Variants in PCDH15 observed in about 807,000 individuals in gnomAD.
PCDH15 encodes the protein protocadherin-15.
PCDH15 carries 129 observed loss-of-function variants against 178.5 expected under a neutral mutation model. The ratio of observed to expected loss-of-function variants is 0.72; its 90% confidence interval spans 0.63 to 0.84. The LOEUF (loss-of-function observed/expected upper bound fraction) is 0.84. Ranked by LOEUF, PCDH15 falls within the 40% of genes least tolerant of loss-of-function variation. PCDH15 has a pLI of 0.00. For missense variants in PCDH15, 2,230 were observed against 2,099.9 expected (o/e 1.06, Z -1.21); for synonymous variants, 800 against 732.0 (o/e 1.09, Z -1.50).
chr10:55,616,536 G>C (rs11004932), intron 2 of PCDH15, among the ~76,000 whole-genome samples: 2 of 148,514 alleles, frequency 1.3e-5, no homozygotes, highest in East Asian at 3.9e-4. Flanking sequence ...AAAAAAAAGA[G>C]TAACTCTCTG....
chr10:54,074,356 C>T (rs534984016), intron 17 of PCDH15, among the ~76,000 whole-genome samples: 1 of 152,146 alleles, frequency 6.6e-6, no homozygotes, highest in Non-Finnish European at 1.5e-5. Flanking sequence ...TTTCTCTTTT[C>T]TTTATCCTCT....
chr10:55,531,739 C>T (rs73254685), intron 2 of PCDH15, among the ~76,000 whole-genome samples: 1,648 of 152,116 alleles, frequency 0.011, 35 homozygotes, highest in African/African-American at 0.038. Context: ...CCAGATCATT[C>T]TCACATTCAT....
intron 2 of PCDH15, among the ~76,000 whole-genome samples, chr10:55,070,472 G>C (rs1338253195): frequency 6.6e-6 from 1 of 152,112 alleles, no homozygotes; most frequent in African/African-American, 2.4e-5. Context: ...GTAAGGAAGG[G>C]ATCCAGTTTC....
At position 53,827,546 on chromosome 10, in the gene PCDH15, C is replaced by G. The variant is rs143538460; in HGVS notation, c.4214G>C (p.Arg1405Pro). ...TGCAGTCTTTGTACACTCAGCTTGA[C>G]GTCTTGGATAAAGTAAGGATGGCTT... ...VLVSYRQFKVRQAECTKTARI... is the reference protein window; with the variant it reads ...VLVSYRQFKVPQAECTKTARI... The change falls in exon 32 of 38, where the codon CGT (arginine) becomes CCT (proline). Residue 1405 changes from arginine (R) to proline (P), a missense_variant and splice_region_variant. Arg to Pro is a moderately radical substitution (Grantham distance 103, BLOSUM62 -2). Coordinates refer to ENST00000644397, the MANE Select transcript of PCDH15 (RefSeq NM_001384140.1). The G allele has an allele frequency of 6.2e-7, 1 of 1,614,098 alleles. No individual in the cohort carries two copies. Among genetic ancestry groups the G allele is most frequent in the African/African-American group, 1.3e-5 (1 of 75,054 alleles).
intron 26 of PCDH15, among the ~76,000 whole-genome samples, chr10:53,878,547 C>T (rs2080455811): frequency 1.4e-5 from 2 of 146,314 alleles, no homozygotes; most frequent in South Asian, 2.1e-4. Flanking sequence ...TAATAAAACA[C>T]TGAATAAAGC....
chr10:54,399,970 T>A (rs1951734518), intron 3 of PCDH15, among the ~76,000 whole-genome samples: 1 of 151,894 alleles, frequency 6.6e-6, no homozygotes, highest in Non-Finnish European at 1.5e-5. Context: ...TTTTCCAGGG[T>A]CAAACCTGGA....
At chr10:55,541,248 C>T (rs747947935) in intron 2 of PCDH15, among the ~76,000 whole-genome samples, 21 of 151,866 alleles carry the variant, frequency 1.4e-4, no homozygotes, top group Non-Finnish European at 2.5e-4. Context: ...ATAAAGCCAA[C>T]ATTATGAAAG....
At chr10:55,486,718 G>C (rs1053308587) in intron 2 of PCDH15, among the ~76,000 whole-genome samples, 1 of 151,288 alleles carries the variant, frequency 6.6e-6, no homozygotes, top group Non-Finnish European at 1.5e-5. Flanking sequence ...TGTTGATCAG[G>C]CTCATCTCAA....
At chr10:53,951,389 T>C (rs915941340) in intron 23 of PCDH15, among the ~76,000 whole-genome samples, 1 of 120,742 alleles carries the variant, frequency 8.3e-6, no homozygotes, top group Non-Finnish European at 1.6e-5. Flanking sequence ...GTTTCAACAA[T>C]AAAGAATGAA....
At chr10:53,874,189 GC>G (rs2080063715) in intron 26 of PCDH15, among the ~76,000 whole-genome samples, 1 of 152,012 alleles carries the variant, frequency 6.6e-6, no homozygotes. Flanking sequence ...GTTTTCAGTA[GC>G]TCAGACAATA....
chr10:53,969,613 G>T (rs1346440398), intron 21 of PCDH15, among the ~76,000 whole-genome samples: 1 of 152,174 alleles, frequency 6.6e-6, no homozygotes, highest in Admixed American at 6.5e-5. Context: ...AGAGAGAAAG[G>T]TCTGGTTACC....
upstream of PCDH15, among the ~76,000 whole-genome samples, chr10:55,319,852 A>T (rs760778532): frequency 2.0e-5 from 3 of 152,074 alleles, no homozygotes; most frequent in Non-Finnish European, 2.9e-5. Context: ...TCTGCAGTGG[A>T]GCATAGCCAG....
intron 4 of PCDH15, 100 bp downstream of exon 4, chr10:54,378,682 C>G (rs1410769823): frequency 1.5e-6 from 2 of 1,361,110 alleles, no homozygotes; most frequent in East Asian, 2.5e-5. Context: ...AGGAAATAAA[C>G]TCAAATTATG....
At chr10:55,529,196 T>C (rs1841386321) in intron 2 of PCDH15, among the ~76,000 whole-genome samples, 1 of 152,160 alleles carries the variant, frequency 6.6e-6, no homozygotes. Context: ...ACTCTGATGG[T>C]AGTTTCTTTT....
At chr10:55,082,940 G>A (rs1376515081) in intron 2 of PCDH15, among the ~76,000 whole-genome samples, 2 of 151,898 alleles carry the variant, frequency 1.3e-5, no homozygotes, top group Non-Finnish European at 2.9e-5. Flanking sequence ...AGGAACTGAT[G>A]GTTGCACTGC....
intron 2 of PCDH15, among the ~76,000 whole-genome samples, chr10:54,570,290 T>TAAA (rs912324517): frequency 1.1e-4 from 16 of 152,258 alleles, no homozygotes; most frequent in African/African-American, 3.8e-4. Context: ...TTTTAAAAAA[T>TAAA]AATGAAAACC....
At chr10:54,324,419 G>C (rs1357823337) in intron 7 of PCDH15, among the ~76,000 whole-genome samples, 1 of 151,998 alleles carries the variant, frequency 6.6e-6, no homozygotes, top group East Asian at 1.9e-4. Flanking sequence ...CAACACCCTT[G>C]CTATTCATAA....
At chr10:55,403,673 G>A (rs950134773) in intron 2 of PCDH15, among the ~76,000 whole-genome samples, 3 of 151,756 alleles carry the variant, frequency 2.0e-5, no homozygotes, top group African/African-American at 7.3e-5. Flanking sequence ...GTTCTCTATT[G>A]GTCTAGGTGT....
intron 2 of PCDH15, among the ~76,000 whole-genome samples, chr10:54,911,502 T>C (rs937843324): frequency 5.3e-5 from 8 of 152,216 alleles, no homozygotes; most frequent in Non-Finnish European, 5.9e-5. Context: ...AAATGAATGA[T>C]AAAAAGAGCA....
Sources: allele counts gnomAD v4.1 joint callset (sites outside exome capture counted in the v4.1 genomes callset), GRCh38; gene constraint gnomAD v4.1.1; transcripts MANE v1.5; gene names NCBI Gene and HGNC (gene_info 2026-07-23, HGNC 2026-07-21).